LRCH1: variants seen among roughly 807,000 people sequenced by gnomAD.
LRCH1 encodes leucine-rich repeat and calponin homology domain-containing protein 1.
A neutral mutation model predicts 94.9 loss-of-function variants in LRCH1; 23 were observed. The ratio of observed to expected loss-of-function variants is 0.24; its 90% confidence interval spans 0.17 to 0.34. The LOEUF (loss-of-function observed/expected upper bound fraction) is 0.34, where lower values mean the gene tolerates loss of function less well. Ranked by LOEUF, LRCH1 falls within the 10% of genes least tolerant of loss-of-function variation. The probability of loss-of-function intolerance (pLI) is 1.00; values close to 1 mark genes in which losing one functional copy is unlikely to be tolerated. For synonymous variants in LRCH1, 364 were observed against 354.9 expected, an observed-to-expected ratio of 1.03 and a Z score of -0.29; for missense variants, 790 against 945.9, an observed-to-expected ratio of 0.84 and a Z score of 2.16.
intron 1 of LRCH1, among the ~76,000 whole-genome samples, chr13:46,617,719 A>G (rs2050827859): frequency 1.3e-5 from 2 of 152,222 alleles, no homozygotes; most frequent in South Asian, 4.1e-4. Flanking sequence ...ACTCAGACAT[A>G]TTTACTCAGT....
intron 16 of LRCH1, among the ~76,000 whole-genome samples, chr13:46,718,797 G>T (rs961635021): frequency 5.9e-5 from 9 of 152,182 alleles, no homozygotes; most frequent in African/African-American, 2.2e-4. Context: ...GTCCAGTTCA[G>T]GTTCTTAACT....
chr13:46,692,605 A>G lies in LRCH1; in HGVS notation c.1084A>G (p.Lys362Glu). 6.2e-7 allele frequency: 1 copy of G among 1,614,100 alleles called. No individual in the cohort carries two copies. The highest frequency in any genetic ancestry group is 8.5e-7 in the Non-Finnish European group (1 of 1,179,978). The change falls in exon 8 of 20, where the codon AAG (lysine) becomes GAG (glutamate). Residue 362 changes from lysine (K) to glutamate (E), a missense_variant. This residue lies in a region of LRCH1 where 460 missense variants were observed against 508.9 expected (regional missense o/e 0.90). Transcript: ENST00000389797. ...CATCATGGAAGAAGAACAGATCATC[A>G]AGGAGGACTCGTGCCATCGCCTTAG... ...SNIMEEEQII[K>E]EDSCHRLSPV...
At chr13:46,696,626 A>G (rs1871205859) in intron 9 of LRCH1, among the ~76,000 whole-genome samples, 1 of 152,210 alleles carries the variant, frequency 6.6e-6, no homozygotes, top group Non-Finnish European at 1.5e-5. Flanking sequence ...GTGGAAGTCA[A>G]CTTGGCAAAG....
intron 19 of LRCH1, among the ~76,000 whole-genome samples, chr13:46,736,809 TCTAA>T (rs1034176525): frequency 4.6e-5 from 7 of 152,228 alleles, no homozygotes; most frequent in African/African-American, 1.7e-4. Context: ...AAGCTAAATA[TCTAA>T]CTGACAATGA....
At chr13:46,632,419 A>G (rs372195170) in intron 1 of LRCH1, among the ~76,000 whole-genome samples, 21 of 152,330 alleles carry the variant, frequency 1.4e-4, no homozygotes, top group African/African-American at 5.1e-4. Flanking sequence ...ATCACAGTGG[A>G]GACCTCGAGA....
intron 1 of LRCH1, among the ~76,000 whole-genome samples, chr13:46,560,849 A>G (rs918788210): frequency 6.6e-6 from 1 of 152,244 alleles, no homozygotes; most frequent in African/African-American, 2.4e-5. Context: ...GAGTTTAGTG[A>G]TATTGCTTCC....
At chr13:46,626,657 G>A (rs893820828) in intron 1 of LRCH1, among the ~76,000 whole-genome samples, 2 of 152,184 alleles carry the variant, frequency 1.3e-5, no homozygotes, top group Admixed American at 6.5e-5. Context: ...AAACAGCCAT[G>A]TTGCTCACAC....
intron 4 of LRCH1, 83 bp downstream of exon 4, chr13:46,681,929 T>G: frequency 1.3e-6 from 1 of 776,604 alleles, no homozygotes; most frequent in East Asian, 2.8e-5. Context: ...GTGAAGAGGG[T>G]CGATCTTTGT....
chr13:46,748,691 A>C (rs541269889), downstream of LRCH1, among the ~76,000 whole-genome samples: 2 of 152,326 alleles, frequency 1.3e-5, no homozygotes, highest in Non-Finnish European at 2.9e-5. Flanking sequence ...CTTGGCTAAT[A>C]AATTGTCAGG....
chr13:46,649,424 A>C (rs994940023), intron 1 of LRCH1, among the ~76,000 whole-genome samples: 2 of 152,214 alleles, frequency 1.3e-5, no homozygotes, highest in Non-Finnish European at 2.9e-5. Context: ...TAATCTTATC[A>C]TCAGGATGGT....
chr13:46,742,558 A>G lies in LRCH1; in HGVS notation c.*710A>G. The G allele has an allele frequency of 2.8e-5, 28 of 985,506 alleles. No individual in the cohort carries two copies. Among genetic ancestry groups the G allele is most frequent in the Non-Finnish European group, 3.1e-5 (26 of 829,988 alleles). The allele number at this position is 985,506 out of a possible 1,614,324, so 61.0% of individuals were successfully genotyped here. A position where few individuals can be genotyped will look rare whatever the true frequency, so the allele number is the denominator to read the frequency against. ...AAGGGAAGGAAGTGTCGTTGCTGTTAGAGCCTCACGTGGAGGAGTCACTTA... is the reference window on the plus strand; with the variant it reads ...AAGGGAAGGAAGTGTCGTTGCTGTTGGAGCCTCACGTGGAGGAGTCACTTA... On this transcript the variant is annotated 3_prime_UTR_variant, in exon 20 of 20. Coordinates refer to ENST00000389797, the MANE Select transcript of LRCH1 (RefSeq NM_001164211.2).
chr13:46,600,904 A>G (rs1376260645), intron 1 of LRCH1, among the ~76,000 whole-genome samples: 2 of 152,198 alleles, frequency 1.3e-5, no homozygotes, highest in East Asian at 3.8e-4. Context: ...CTTTAAAGCA[A>G]TTTGATTGTC....
chr13:46,576,151 A>G (rs1194990037), intron 1 of LRCH1, among the ~76,000 whole-genome samples: 2 of 152,206 alleles, frequency 1.3e-5, no homozygotes, highest in African/African-American at 4.8e-5. Context: ...CAGCTGGATT[A>G]GACATTTGCC....
At chr13:46,729,527 G>GAAAAAAAAAAA in intron 18 of LRCH1, among the ~76,000 whole-genome samples, 1 of 143,226 alleles carries the variant, frequency 7.0e-6, no homozygotes. Flanking sequence ...ACTCCAGCCT[G>GAAAAAAAAAAA]GAGACAGAGT....
intron 1 of LRCH1, among the ~76,000 whole-genome samples, chr13:46,571,210 G>A (rs1027648417): frequency 6.6e-5 from 10 of 152,208 alleles, no homozygotes; most frequent in Non-Finnish European, 4.4e-5. Context: ...AGCATCTTGT[G>A]CATCTCAGCT....
chr13:46,553,299 A>T lies in LRCH1; in HGVS notation c.-98A>T. On this transcript the variant is annotated 5_prime_UTR_variant, in exon 1 of 20. Transcript: ENST00000389797. ...TCCTTCCAGCGCCTTTCGGTGGAGC[A>T]CTGCGGCACTCAGCCCGAGCTGCCG... 1 of 775,504 alleles carries T rather than the reference A, an allele frequency of 1.3e-6. No individual in the cohort carries two copies. Among genetic ancestry groups the T allele is most frequent in the Non-Finnish European group, 1.8e-6 (1 of 541,768 alleles). 48.0% of individuals were successfully genotyped at this position (775,504 alleles called of 1,614,324 possible). A position where few individuals can be genotyped will look rare whatever the true frequency, so the allele number is the denominator to read the frequency against.
intron 1 of LRCH1, among the ~76,000 whole-genome samples, chr13:46,582,975 G>T (rs979414503): frequency 1.3e-4 from 20 of 151,950 alleles, no homozygotes; most frequent in African/African-American, 4.4e-4. Context: ...AAGAGTGGAG[G>T]CAGGAAAAGA....
At position 46,689,967 on chromosome 13, in the gene LRCH1, C is replaced by T. The variant is rs181896801; in HGVS notation, c.1014+771C>T. Among the ~76,000 whole-genome samples, 18 of 152,136 alleles carry T rather than the reference C, an allele frequency of 1.2e-4. No homozygotes were observed. The East Asian group carries it at 3.3e-3, about 28-fold the overall frequency. ...GCTCTTCTTTTTTTGAGGGAAGTTA[C>T]TTTCTGTAGTTACTAAGTTAACATT... is the stretch of plus-strand genomic sequence containing the variant. On this transcript the variant is annotated intron_variant, in intron 7 of 19. Transcript: ENST00000389797.
intron 1 of LRCH1, among the ~76,000 whole-genome samples, chr13:46,629,688 G>C (rs1222498010): frequency 6.6e-6 from 1 of 152,182 alleles, no homozygotes; most frequent in Non-Finnish European, 1.5e-5. Context: ...GGGGAGAATA[G>C]GAGCAGGAAC....
Sources: gnomAD v4.1 joint callset for allele counts (sites outside exome capture counted in the v4.1 genomes callset) on GRCh38, gnomAD v4.1.1 for gene constraint, gnomAD v4.1.1 regional missense constraint, MANE v1.5 for transcripts, NCBI Gene and HGNC (gene_info 2026-07-23, HGNC 2026-07-21) for gene names.